L3MBTL3: variants seen among roughly 807,000 people sequenced by gnomAD.
The protein encoded by L3MBTL3 is L3MBTL histone methyl-lysine binding protein 3.
Under a neutral mutation model 102.3 loss-of-function variants are expected in L3MBTL3, and 27 were observed. That is an observed-to-expected ratio of 0.26 (90% confidence interval 0.19 to 0.36). The LOEUF (loss-of-function observed/expected upper bound fraction) is 0.36, where lower values mean the gene tolerates loss of function less well. Among genes scored for constraint, L3MBTL3 ranks in the 10% least tolerant of loss-of-function variants. The pLI, the probability that L3MBTL3 is intolerant of heterozygous loss-of-function variation, is 1.00. For synonymous variants in L3MBTL3, 340 were observed against 320.9 expected (o/e 1.06, Z -0.64); for missense variants, 798 against 955.3 (o/e 0.84, Z 2.17).
intron 5 of L3MBTL3, 115 bp from the exon 6 acceptor site, chr6:130,051,134 C>A: frequency 1.3e-6 from 1 of 795,932 alleles, no homozygotes; most frequent in Non-Finnish European, 2.0e-6. Flanking sequence ...ATTCATTCAG[C>A]AAACACTATT....
intron 22 of L3MBTL3, among the ~76,000 whole-genome samples, chr6:130,134,619 C>T (rs976462527): frequency 1.3e-5 from 2 of 152,294 alleles, no homozygotes; most frequent in Non-Finnish European, 2.9e-5. Context: ...CCTGTCATCT[C>T]CTCCAAGCAA....
intron 19 of L3MBTL3, among the ~76,000 whole-genome samples, chr6:130,113,109 G>A (rs6934316): frequency 0.51 from 76,971 of 151,922 alleles, 20,674 homozygotes; most frequent in African/African-American, 0.67. Context: ...GTGTTTCTCT[G>A]TATGTCTTAA....
intron 6 of L3MBTL3, among the ~76,000 whole-genome samples, chr6:130,052,111 C>CT (rs374543945): frequency 1.2e-3 from 171 of 144,478 alleles, no homozygotes; most frequent in Admixed American, 2.5e-3. Flanking sequence ...TTTTCTTTTT[C>CT]TTTTTTTTTT....
chr6:130,024,756 G>A (rs1418490565), intron 2 of L3MBTL3, among the ~76,000 whole-genome samples: 1 of 152,060 alleles, frequency 6.6e-6, no homozygotes, highest in Non-Finnish European at 1.5e-5. Context: ...ACACTTAAAA[G>A]ACGAGATCCT....
intron 18 of L3MBTL3, among the ~76,000 whole-genome samples, chr6:130,097,115 T>C (rs889630326): frequency 2.0e-5 from 3 of 152,232 alleles, no homozygotes; most frequent in Non-Finnish European, 4.4e-5. Context: ...TCCCTGACTA[T>C]GCTGTCCTAT....
intron 4 of L3MBTL3, 49 bp from the exon 5 acceptor site, chr6:130,049,707 G>T: frequency 1.2e-6 from 2 of 1,612,116 alleles, no homozygotes; most frequent in Non-Finnish European, 1.7e-6. Context: ...TACTCCGATG[G>T]TTGTAACTAA....
At position 130,086,256 on chromosome 6, in the gene L3MBTL3, T is replaced by C. The variant is rs1783678709; in HGVS notation, c.1518+6T>C. ...CAGATGATCACCGGGTAAAAGTAAG[T>C]GTTCTGTGTGGGGGGTTGGCTTTGT... is the stretch of plus-strand genomic sequence containing the variant. On this transcript the variant is annotated splice_donor_region_variant and intron_variant, in intron 16 of 22. Transcript: ENST00000361794. The C allele has an allele frequency of 6.4e-7, 1 of 1,561,078 alleles. No homozygotes were observed. Among genetic ancestry groups the C allele is most frequent in the East Asian group, 2.2e-5 (1 of 44,578 alleles).
intron 13 of L3MBTL3, among the ~76,000 whole-genome samples, chr6:130,071,462 A>G (rs1166393063): frequency 6.6e-6 from 1 of 152,150 alleles, no homozygotes; most frequent in Non-Finnish European, 1.5e-5. Context: ...ATAGCTGACT[A>G]CAAAATATAT....
At chr6:130,069,616 A>G (rs562946283) in intron 12 of L3MBTL3, among the ~76,000 whole-genome samples, 10 of 152,324 alleles carry the variant, frequency 6.6e-5, no homozygotes, top group South Asian at 6.2e-4. Context: ...ATTCTCTGTC[A>G]AAACTTATCC....
In L3MBTL3 at chr6:130,104,505, C is replaced by T; in HGVS notation, c.1816C>T (p.Pro606Ser). 1 of 1,596,582 alleles carries T rather than the reference C, an allele frequency of 6.3e-7. No homozygotes were observed. ...FPDRLSGEMP[P>S]ASPSFPRNKR... is the part of the protein sequence containing the mutation. ...AGACCGCTTAAGTGGTGAGATGCCT[C>T]CGGCTAGTCCGTCATTTCCAAGAAA... The change falls in exon 19 of 23, where the codon CCG (proline) becomes TCG (serine). Residue 606 changes from proline (P) to serine (S), a missense_variant. Coordinates refer to ENST00000361794, the MANE Select transcript of L3MBTL3 (RefSeq NM_032438.4).
intron 9 of L3MBTL3, among the ~76,000 whole-genome samples, chr6:130,058,681 C>A (rs914590848): frequency 2.6e-5 from 4 of 152,116 alleles, no homozygotes; most frequent in African/African-American, 9.7e-5. Context: ...AGCACGTGGT[C>A]TCTGTTGCAA....
rs113539853 is a variant in L3MBTL3 at position 130,060,018 on chromosome 6, T to C, written c.760-18T>C. ...CTTTGGGATAAGGGACTAAAACTGC[T>C]CTCATTTTGCATTTTAGCATCAATC... On this transcript the variant is annotated intron_variant, in intron 9 of 22. Coordinates refer to ENST00000361794, the MANE Select transcript of L3MBTL3 (RefSeq NM_032438.4). 2.7e-6 allele frequency: 4 copies of C among 1,470,732 alleles called. No individual in the cohort carries two copies. Among genetic ancestry groups the C allele is most frequent in the Admixed American group, 1.7e-5 (1 of 59,524 alleles). The allele number at this position is 1,470,732 out of a possible 1,614,324, so 91.1% of individuals were successfully genotyped here.
chr6:130,128,978 C>T (rs1315618737), intron 20 of L3MBTL3, among the ~76,000 whole-genome samples: 1 of 152,078 alleles, frequency 6.6e-6, no homozygotes, highest in Non-Finnish European at 1.5e-5. Flanking sequence ...TGGGGCTTTG[C>T]CAGTGAATGT....
intron 10 of L3MBTL3, among the ~76,000 whole-genome samples, chr6:130,064,294 TG>T (rs991051604): frequency 8.5e-5 from 13 of 152,284 alleles, no homozygotes; most frequent in Admixed American, 7.2e-4. Context: ...AGGATCAGTG[TG>T]AGACTAGAGT....
At position 130,101,055 on chromosome 6, in the gene L3MBTL3, A is replaced by G. The variant is rs946414711; in HGVS notation, c.1737-3371A>G. On this transcript the variant is annotated intron_variant, in intron 18 of 22. Coordinates refer to ENST00000361794, the MANE Select transcript of L3MBTL3 (RefSeq NM_032438.4). ...TAGCTTGCATACAGTTTATTTAGAG[A>G]AACTAAAAAAGTCCTTAAATTGTTA... Among the ~76,000 whole-genome samples the G allele has an allele frequency of 3.3e-5, 5 of 152,252 alleles. No homozygotes were observed. The South Asian group carries it at 1.0e-3, about 31-fold the overall frequency.
At chr6:130,109,442 T>C (rs1490414574) in intron 19 of L3MBTL3, among the ~76,000 whole-genome samples, 4 of 152,260 alleles carry the variant, frequency 2.6e-5, no homozygotes, top group African/African-American at 7.2e-5. Context: ...TTGATTTGCA[T>C]TTATCTAATG....
intron 20 of L3MBTL3, among the ~76,000 whole-genome samples, chr6:130,127,721 T>C (rs1368499926): frequency 6.6e-6 from 1 of 152,192 alleles, no homozygotes; most frequent in Non-Finnish European, 1.5e-5. Flanking sequence ...GACCCAGCGA[T>C]TGATGTTGTT....
At chr6:130,054,169 C>CCTTAAGTT (rs1781303626) in intron 7 of L3MBTL3, among the ~76,000 whole-genome samples, 1 of 152,104 alleles carries the variant, frequency 6.6e-6, no homozygotes, top group Non-Finnish European at 1.5e-5. Context: ...AGAGGAAAGT[C>CCTTAAGTT]CTTAAGGTAA....
At chr6:130,120,722 T>C (rs1786101220) in intron 19 of L3MBTL3, among the ~76,000 whole-genome samples, 157 bp from the exon 20 acceptor site, 1 of 152,244 alleles carries the variant, frequency 6.6e-6, no homozygotes. Flanking sequence ...ATAGGTGTTA[T>C]TAATTAATTG....
Sources: gnomAD v4.1 joint callset for allele counts (sites outside exome capture counted in the v4.1 genomes callset) on GRCh38, gnomAD v4.1.1 for gene constraint, MANE v1.5 for transcripts, NCBI Gene and HGNC (gene_info 2026-07-23, HGNC 2026-07-21) for gene names.